Variants in PREX2 observed in about 807,000 individuals in gnomAD.
PREX2 encodes the protein phosphatidylinositol 3,4,5-trisphosphate-dependent Rac exchanger 2 protein.
Under a neutral mutation model 203.2 loss-of-function variants are expected in PREX2, and 107 were observed. The ratio of observed to expected loss-of-function variants is 0.53; its 90% CI spans 0.45 to 0.62. PREX2 has a LOEUF of 0.62. Ranked by LOEUF, PREX2 falls within the 20% of genes least tolerant of loss-of-function variation. PREX2 has a pLI of 0.00. For synonymous variants in PREX2, 672 were observed against 663.6 expected (o/e 1.01, Z -0.19); for missense variants, 1,777 against 1,955.9 (o/e 0.91, Z 1.72).
Position 68,146,211 on chromosome 8 carries a change from G to A in PREX2, c.4090G>A (p.Val1364Ile), listed in dbSNP as rs1811322905. The A allele has an allele frequency of 1.9e-6, 3 of 1,600,756 alleles. No individual in the cohort carries two copies. Among genetic ancestry groups the A allele is most frequent in the Non-Finnish European group, 2.6e-6 (3 of 1,170,976 alleles). ...PSEEEPLVAN[V>I]PLTYQAEGSR... ...TATACTATTAAATATCATTTTAGAT[G>A]TTCCTCTTACATATCAAGCAGAAGG... Residue 1364 changes from valine to isoleucine, a missense_variant and splice_region_variant, in exon 34 of 40, where the codon GTT (valine) becomes ATT (isoleucine). Val to Ile is a conservative substitution (Grantham distance 29, BLOSUM62 3). Coordinates refer to ENST00000288368, the MANE Select transcript of PREX2 (RefSeq NM_024870.4).
At chr8:68,113,374 A>T (rs10701456) in intron 25 of PREX2, among the ~76,000 whole-genome samples, 3,531 of 152,248 alleles carry the variant, frequency 0.023, 112 homozygotes, top group African/African-American at 0.072. Context: ...GAACTCCTGC[A>T]TTTTTTCCCT....
At position 68,235,372 on chromosome 8, in the gene PREX2, T is replaced by C. The variant is rs1342194920; in HGVS notation, c.*3994T>C. On this transcript the variant is annotated 3_prime_UTR_variant, in exon 40 of 40. Transcript: ENST00000288368. ...GAATTTTTGGAAACTATGTTTAATT[T>C]TTAAAGACATTGTTATGTGAATTAT... The C allele has an allele frequency of 6.6e-6, 1 of 152,190 alleles. No individual in the cohort carries two copies. Among genetic ancestry groups the C allele is most frequent in the Non-Finnish European group, 1.5e-5 (1 of 68,014 alleles). The allele number at this position is 152,190 out of a possible 1,614,324, so 9.4% of individuals were successfully genotyped here. A position where few individuals can be genotyped will look rare whatever the true frequency, so the allele number is the denominator to read the frequency against.
At chr8:67,965,151 A>T (rs1479157613) in intron 1 of PREX2, among the ~76,000 whole-genome samples, 1 of 152,190 alleles carries the variant, frequency 6.6e-6, no homozygotes, top group Admixed American at 6.5e-5. Flanking sequence ...ACAGGGTTAG[A>T]GCCAGGCAAG....
Position 68,157,372 on chromosome 8 carries a change from G to C in PREX2, c.4282G>C (p.Glu1428Gln). 1 of 1,612,714 alleles carries C rather than the reference G, an allele frequency of 6.2e-7. No individual in the cohort carries two copies. Among genetic ancestry groups the C allele is most frequent in the Non-Finnish European group, 8.5e-7 (1 of 1,179,054 alleles). Reference sequence around the variant, plus strand: ...TTACAGAGACAATGTTTCTGTGGAAGAATTTCAAGCTCAGATAAATGCAGC... The same window carrying C: ...TTACAGAGACAATGTTTCTGTGGAACAATTTCAAGCTCAGATAAATGCAGC... ...YYYRDNVSVE[E>Q]FQAQINAASL... Residue 1428 changes from glutamate to glutamine, a missense_variant, in exon 35 of 40, where the codon GAA (glutamate) becomes CAA (glutamine). Transcript: ENST00000288368.
chr8:68,046,605 A>G (rs1489902583), intron 8 of PREX2, among the ~76,000 whole-genome samples: 1 of 152,158 alleles, frequency 6.6e-6, no homozygotes, highest in Admixed American at 6.6e-5. Flanking sequence ...ATTGCAGGAT[A>G]TTTAGTTGTC....
chr8:68,130,858 C>T (rs1374198839), intron 31 of PREX2, among the ~76,000 whole-genome samples: 2 of 152,084 alleles, frequency 1.3e-5, no homozygotes, highest in Non-Finnish European at 2.9e-5. Context: ...AAGAAGAGCC[C>T]CAGTACTTCC....
chr8:68,187,166 G>A (rs568280361), intron 35 of PREX2, among the ~76,000 whole-genome samples: 1 of 151,922 alleles, frequency 6.6e-6, no homozygotes, highest in South Asian at 2.1e-4. Context: ...TTTCTTCCCA[G>A]ATAATTCAAG....
intron 11 of PREX2, among the ~76,000 whole-genome samples, chr8:68,062,394 T>A (rs1808884496): frequency 6.6e-6 from 1 of 152,164 alleles, no homozygotes; most frequent in Non-Finnish European, 1.5e-5. Flanking sequence ...TTCAGACCTA[T>A]TACATGCCCT....
At chr8:68,053,489 T>C (rs1176345482) in intron 9 of PREX2, among the ~76,000 whole-genome samples, 2 of 152,212 alleles carry the variant, frequency 1.3e-5, no homozygotes, top group Admixed American at 1.3e-4. Flanking sequence ...TATGTAATAC[T>C]TATATAGTTA....
chr8:68,077,549 A>C, intron 15 of PREX2, 80 bp downstream of exon 15: 13 of 1,048,926 alleles, frequency 1.2e-5, no homozygotes, highest in Non-Finnish European at 2.0e-5. Flanking sequence ...CCAGTGCTGC[A>C]GTGAGGTCAT....
chr8:68,132,814 G>T (rs1376092485), intron 31 of PREX2, among the ~76,000 whole-genome samples: 2 of 152,124 alleles, frequency 1.3e-5, no homozygotes, highest in Non-Finnish European at 2.9e-5. Context: ...ACTTCTAGTG[G>T]AAGTGATTTT....
At position 68,041,094 on chromosome 8, in the gene PREX2, A is replaced by G. The variant is rs567795174; in HGVS notation, c.839+2802A>G. Among the ~76,000 whole-genome samples the G allele has an allele frequency of 1.1e-4, 17 of 152,260 alleles. 1 individual carries two copies. The South Asian group carries it at 3.1e-3, about 28-fold the overall frequency. On this transcript the variant is annotated intron_variant, in intron 7 of 39. Coordinates refer to ENST00000288368, the MANE Select transcript of PREX2 (RefSeq NM_024870.4). ...AGCCTTTATGTACTTCACCCTAACC[A>G]TATATAGGACACATTTGTTTTAGTG... is the stretch of plus-strand genomic sequence containing the variant.
intron 1 of PREX2, among the ~76,000 whole-genome samples, chr8:67,999,558 T>G (rs899159242): frequency 6.7e-6 from 1 of 149,770 alleles, no homozygotes; most frequent in Non-Finnish European, 1.5e-5. Context: ...GCTGGTAGCA[T>G]TCTACTGAAA....
At chr8:67,970,172 A>G (rs1467107655) in intron 1 of PREX2, among the ~76,000 whole-genome samples, 2 of 152,198 alleles carry the variant, frequency 1.3e-5, no homozygotes, top group Non-Finnish European at 1.5e-5. Flanking sequence ...TTTGTGTAAC[A>G]GTTGTTGAAG....
At chr8:68,158,338 CAACTT>C (rs1158454239) in intron 35 of PREX2, among the ~76,000 whole-genome samples, 2 of 151,926 alleles carry the variant, frequency 1.3e-5, no homozygotes, top group Admixed American at 6.6e-5. Flanking sequence ...TTTGTCCTGT[CAACTT>C]AAAAGGAAGA....
chr8:68,171,414 A>G (rs1417849249), intron 35 of PREX2, among the ~76,000 whole-genome samples: 2 of 152,164 alleles, frequency 1.3e-5, no homozygotes, highest in Non-Finnish European at 2.9e-5. Flanking sequence ...TCTGGCCAGA[A>G]GTGTGTTTTC....
intron 30 of PREX2, among the ~76,000 whole-genome samples, chr8:68,121,406 A>T (rs975644773): frequency 2.0e-5 from 3 of 152,160 alleles, no homozygotes; most frequent in Non-Finnish European, 4.4e-5. Flanking sequence ...TATCCACAAA[A>T]AAAAAATCAG....
At chr8:68,014,193 T>C (rs908067759) in intron 1 of PREX2, among the ~76,000 whole-genome samples, 3 of 152,220 alleles carry the variant, frequency 2.0e-5, no homozygotes, top group Non-Finnish European at 2.9e-5. Flanking sequence ...GTTTCTTCCT[T>C]TTGATTCTTG....
At chr8:68,156,588 A>C (rs1811548211) in intron 34 of PREX2, among the ~76,000 whole-genome samples, 1 of 152,222 alleles carries the variant, frequency 6.6e-6, no homozygotes, top group African/African-American at 2.4e-5. Flanking sequence ...TAACAAGAGA[A>C]AAACAAACAG....
Sources: gnomAD v4.1 joint callset for allele counts (sites outside exome capture counted in the v4.1 genomes callset) on GRCh38, gnomAD v4.1.1 for gene constraint, MANE v1.5 for transcripts, NCBI Gene and HGNC (gene_info 2026-07-23, HGNC 2026-07-21) for gene names.